LRP6: variants seen among roughly 807,000 people sequenced by gnomAD.
The protein encoded by LRP6 is low-density lipoprotein receptor-related protein 6.
LRP6 carries 43 observed loss-of-function variants against 184.1 expected under a neutral mutation model. The ratio of observed to expected loss-of-function variants is 0.23; its 90% CI spans 0.18 to 0.30. LRP6 has a LOEUF of 0.30. Ranked by LOEUF, LRP6 falls within the 10% of genes least tolerant of loss-of-function variation. The pLI is 1.00. For synonymous variants in LRP6, 719 were observed against 684.9 expected (o/e 1.05, Z -0.78); for missense variants, 1,571 against 2,005.3 (o/e 0.78, Z 4.14).
chr12:12,148,306 C>G (rs1441777858), intron 14 of LRP6, among the ~76,000 whole-genome samples: 1 of 151,950 alleles, frequency 6.6e-6, no homozygotes, highest in Non-Finnish European at 1.5e-5. Context: ...TCTAATTAAT[C>G]TATTTAATAA....
At position 12,131,831 on chromosome 12, in the gene LRP6, C is replaced by T; in HGVS notation, c.3960G>A (p.Lys1320=). Residue 1320 remains lysine, a synonymous_variant, in exon 18 of 23, where the codon AAG becomes AAA. Transcript: ENST00000261349. ...DANCQDKSDE[K]NCEVLCLIDQ... ...AAGAATTCTGGATACCTTCACAGTT[C>T]TTCTCATCTGATTTGTCCTGGCAGT... The T allele has an allele frequency of 6.2e-7, 1 of 1,613,966 alleles. No homozygotes were observed. The highest frequency in any genetic ancestry group is 8.5e-7 in the Non-Finnish European group (1 of 1,179,862).
At chr12:12,244,734 T>TA (rs1218750828) in intron 1 of LRP6, 79 bp from the exon 2 acceptor site, 13 of 1,396,300 alleles carry the variant, frequency 9.3e-6, no homozygotes, top group Non-Finnish European at 1.3e-5. Flanking sequence ...TCAAATCGGT[T>TA]TAAGTGAGCA....
intron 21 of LRP6, 137 bp from the exon 22 acceptor site, chr12:12,124,799 T>C (rs909776571): frequency 3.1e-6 from 2 of 639,574 alleles, no homozygotes; most frequent in African/African-American, 3.7e-5. Context: ...TCCAAAGAAT[T>C]GACCTCAAAC....
Position 12,186,964 on chromosome 12 carries a change from G to A in LRP6, c.803C>T (p.Pro268Leu), listed in dbSNP as rs1242380920. The stretch of plus-strand genomic sequence containing the variant: ...TTGGCTGAAGGCATGTATATCCATG[G>A]GAGAGAAGATGTCAGAATGGATTTC... Reference protein sequence around the residue: ...LREIHSDIFSPMDIHAFSQQR... With the variant: ...LREIHSDIFSLMDIHAFSQQR... Residue 268 changes from proline to leucine, a missense_variant, in exon 4 of 23, where the codon CCC becomes CTC. Pro to Leu is a moderately conservative substitution (Grantham distance 98). Around this residue, in one of 4 missense-constraint regions of LRP6, gnomAD observed 640 missense variants for 851.9 expected, o/e 0.75. Transcript: ENST00000261349. 1 of 1,614,102 alleles carries A rather than the reference G, an allele frequency of 6.2e-7. No individual in the cohort carries two copies. Among genetic ancestry groups the A allele is most frequent in the Admixed American group, 1.7e-5 (1 of 60,006 alleles).
At chr12:12,163,433 C>T (rs1392485787) in intron 9 of LRP6, among the ~76,000 whole-genome samples, 1 of 152,186 alleles carries the variant, frequency 6.6e-6, no homozygotes, top group Non-Finnish European at 1.5e-5. Flanking sequence ...AAAAAGTTTA[C>T]ATGAGTTATC....
intron 14 of LRP6, among the ~76,000 whole-genome samples, chr12:12,148,348 A>G (rs1184949235): frequency 6.6e-6 from 1 of 152,166 alleles, no homozygotes; most frequent in Non-Finnish European, 1.5e-5. Context: ...ATCACTTCTT[A>G]TATTTAACGT....
intron 3 of LRP6, among the ~76,000 whole-genome samples, chr12:12,189,636 G>C (rs578211584): frequency 6.6e-6 from 1 of 152,038 alleles, no homozygotes; most frequent in African/African-American, 2.4e-5. Context: ...CAAGTAGCTG[G>C]GATTATAGGC....
At chr12:12,238,291 G>A (rs1864975798) in intron 2 of LRP6, among the ~76,000 whole-genome samples, 2 of 150,038 alleles carry the variant, frequency 1.3e-5, no homozygotes, top group African/African-American at 4.9e-5. Context: ...AAATTAAGAG[G>A]AAAGGAACAG....
At chr12:12,221,820 G>C (rs980542363) in intron 2 of LRP6, among the ~76,000 whole-genome samples, 2 of 152,194 alleles carry the variant, frequency 1.3e-5, no homozygotes, top group Admixed American at 6.5e-5. Flanking sequence ...GTACTCGCCT[G>C]TGTGGAGGTT....
At chr12:12,172,538 T>C (rs1485685130) in intron 7 of LRP6, among the ~76,000 whole-genome samples, 1 of 152,200 alleles carries the variant, frequency 6.6e-6, no homozygotes, top group Non-Finnish European at 1.5e-5. Flanking sequence ...TAAAATGTGC[T>C]AGAGTTGGAA....
rs550247444 is a variant in LRP6 at position 12,138,243 on chromosome 12, G to C, written c.3607+82C>G. 8.0e-5 allele frequency: 104 copies of C among 1,299,224 alleles called. No homozygotes were observed. In the East Asian group the frequency reaches 2.4e-3, roughly 30 times the overall value. 80.5% of individuals were successfully genotyped at this position (1,299,224 alleles called of 1,614,324 possible). A position where few individuals can be genotyped will look rare whatever the true frequency, so the allele number is the denominator to read the frequency against. ...GTGCATGAAAGTCTTCAAGGAAACA[G>C]AGTTTAAAAATCCACAAAAGTACAT... On this transcript the variant is annotated intron_variant, in intron 16 of 22. Transcript: ENST00000261349.
intron 15 of LRP6, 103 bp from the exon 16 acceptor site, chr12:12,138,637 GAAAAAAAAAACAAGATCTCTACCAC>G: frequency 8.9e-7 from 1 of 1,117,784 alleles, no homozygotes; most frequent in Non-Finnish European, 1.3e-6. Flanking sequence ...GTAGAGAAAA[GAAAAAAAAAACAAGATCTCTACCAC>G]AAAACTTAAA....
chr12:12,244,228 TATG>T, intron 2 of LRP6, 31 bp downstream of exon 2: 1 of 1,611,946 alleles, frequency 6.2e-7, no homozygotes, highest in Non-Finnish European at 8.5e-7. Flanking sequence ...CGAAAGGAGG[TATG>T]ATGATCTTCG....
At chr12:12,131,689 C>T in intron 18 of LRP6, 132 bp downstream of exon 18, 2 of 780,500 alleles carry the variant, frequency 2.6e-6, no homozygotes, top group Non-Finnish European at 4.7e-6. Context: ...GAACATGGCA[C>T]TATGATCAGA....
At chr12:12,227,511 G>A (rs946401798) in intron 2 of LRP6, among the ~76,000 whole-genome samples, 2 of 151,480 alleles carry the variant, frequency 1.3e-5, no homozygotes, top group Non-Finnish European at 1.5e-5. Context: ...AGGTTCAAGC[G>A]ATTTTCCTGC....
chr12:12,165,356 T>C, intron 7 of LRP6, 61 bp from the exon 8 acceptor site: 2 of 1,205,104 alleles, frequency 1.7e-6, no homozygotes, highest in Non-Finnish European at 2.4e-6. Context: ...CAGCTAAAAA[T>C]AACAAATCCA....
In LRP6 at chr12:12,162,518, G is replaced by C. The variant is rs1165751536; in HGVS notation, c.2053-99C>G. Reference sequence around the variant, plus strand: ...TTTTTGTCAGGGGCAAGAGGATCCAGAAGTGCCAAGAGGCATACTATTTCC... The same window carrying C: ...TTTTTGTCAGGGGCAAGAGGATCCACAAGTGCCAAGAGGCATACTATTTCC... On this transcript the variant is annotated intron_variant, in intron 9 of 22. Coordinates refer to ENST00000261349, the MANE Select transcript of LRP6 (RefSeq NM_002336.3). The C allele has an allele frequency of 3.2e-6, 3 of 945,200 alleles. No individual in the cohort carries two copies. The African/African-American group carries it at 4.8e-5, about 15-fold the overall frequency. The allele number at this position is 945,200 out of a possible 1,614,324, so 58.6% of individuals were successfully genotyped here. A position where few individuals can be genotyped will look rare whatever the true frequency, so the allele number is the denominator to read the frequency against.
chr12:12,138,244 A>G (rs1949874668), intron 16 of LRP6, 81 bp downstream of exon 16: 3 of 1,305,994 alleles, frequency 2.3e-6, no homozygotes, highest in Non-Finnish European at 3.3e-6. Context: ...AAGGAAACAG[A>G]GTTTAAAAAT....
chr12:12,124,809 C>T (rs985511914), intron 21 of LRP6, 147 bp from the exon 22 acceptor site: 6 of 631,310 alleles, frequency 9.5e-6, no homozygotes, highest in Non-Finnish European at 1.6e-5. Context: ...TGACCTCAAA[C>T]AGTACTTTGG....
Sources: allele counts gnomAD v4.1 joint callset (sites outside exome capture counted in the v4.1 genomes callset), GRCh38; gene constraint gnomAD v4.1.1; regional missense constraint gnomAD v4.1.1; transcripts MANE v1.5; gene names NCBI Gene and HGNC (gene_info 2026-07-23, HGNC 2026-07-21).